The following FLI1 variants were observed in gnomAD, a reference collection of about 807,000 sequenced individuals.
The protein encoded by FLI1 is Fli-1 proto-oncogene, ETS transcription factor, also known as Friend leukemia integration 1 transcription factor.
FLI1 carries 13 observed loss-of-function variants against 53.1 expected under a neutral mutation model. The ratio of observed to expected loss-of-function variants is 0.24; its 90% CI spans 0.16 to 0.39. The LOEUF (loss-of-function observed/expected upper bound fraction) is 0.39. FLI1 is among the 10% of genes least tolerant of loss of function. The pLI is 1.00. For missense variants in FLI1, 424 were observed against 600.5 expected (o/e 0.71, Z 3.07); for synonymous variants, 244 against 236.7 (o/e 1.03, Z -0.28).
chr11:128,794,465 GGAGAGA>G (rs139360912), intron 5 of FLI1, among the ~76,000 whole-genome samples: 1 of 151,868 alleles, frequency 6.6e-6, no homozygotes, highest in Non-Finnish European at 1.5e-5. Context: ...TCATCTATCT[GGAGAGA>G]GAGAGAGACG....
At chr11:128,781,174 T>C (rs1941904150) in intron 4 of FLI1, among the ~76,000 whole-genome samples, 1 of 152,248 alleles carries the variant, frequency 6.6e-6, no homozygotes, top group African/African-American at 2.4e-5. Flanking sequence ...GTTCAGTGCG[T>C]GCTCTTAGAC....
At chr11:128,760,928 G>A (rs562190117) in intron 2 of FLI1, among the ~76,000 whole-genome samples, 6 of 152,220 alleles carry the variant, frequency 3.9e-5, no homozygotes, top group South Asian at 2.1e-4. Context: ...AGGCTTCTGC[G>A]GGGGCATCCT....
intron 4 of FLI1, among the ~76,000 whole-genome samples, chr11:128,781,671 C>T (rs540832262): frequency 1.8e-4 from 27 of 152,302 alleles, no homozygotes; most frequent in African/African-American, 6.3e-4. Flanking sequence ...CAGACCACAG[C>T]GCTTCAGAAC....
upstream of FLI1, chr11:128,693,969 AGAG>A: frequency 2.8e-6 from 1 of 359,076 alleles, no homozygotes; most frequent in East Asian, 4.0e-5. Flanking sequence ...AGAGAGAGAG[AGAG>A]AGAGAGAGAG....
In FLI1 at chr11:128,776,421, C is replaced by T. The variant is rs575763952; in HGVS notation, c.589+3436C>T. Reference sequence around the variant, plus strand: ...ATCCCAGCACTTTGGGAGGCCAAGGCGGGTGGATCACCTGAGGCCAGAAGT... The same window carrying T: ...ATCCCAGCACTTTGGGAGGCCAAGGTGGGTGGATCACCTGAGGCCAGAAGT... On this transcript the variant is annotated intron_variant, in intron 4 of 8. Coordinates refer to ENST00000527786, the MANE Select transcript of FLI1 (RefSeq NM_002017.5). Among the ~76,000 whole-genome samples the T allele has an allele frequency of 7.9e-5, 12 of 152,318 alleles. No individual in the cohort carries two copies. In the South Asian group the frequency reaches 2.3e-3, roughly 29 times the overall value.
intron 1 of FLI1, among the ~76,000 whole-genome samples, chr11:128,700,905 A>G (rs1938303294): frequency 6.6e-6 from 1 of 152,206 alleles, no homozygotes; most frequent in African/African-American, 2.4e-5. Flanking sequence ...TGTAACATGT[A>G]TAGAAAGGAG....
Position 128,694,190 on chromosome 11 carries a change from G to A in FLI1, c.-69G>A. 1 of 1,498,992 alleles carries A rather than the reference G, an allele frequency of 6.7e-7. No individual in the cohort carries two copies. The highest frequency in any genetic ancestry group is 2.4e-5 in the Admixed American group (1 of 42,430). 92.9% of individuals were successfully genotyped at this position (1,498,992 alleles called of 1,614,324 possible). A position where few individuals can be genotyped will look rare whatever the true frequency, so the allele number is the denominator to read the frequency against. On this transcript the variant is annotated 5_prime_UTR_variant, in exon 1 of 9. Transcript: ENST00000527786. ...GGCCGCGCCGGGCTAATCCGAAGGG[G>A]CTGCGAGGTCAGGCTGTAACCGGGT...
chr11:128,772,718 C>T, intron 3 of FLI1, 64 bp from the exon 4 acceptor site: 2 of 1,335,724 alleles, frequency 1.5e-6, no homozygotes, highest in Non-Finnish European at 1.1e-6. Context: ...AGGGAGGCTG[C>T]CTAGGCTCTC....
At chr11:128,782,559 G>A (rs1487363481) in intron 5 of FLI1, among the ~76,000 whole-genome samples, 4 of 152,128 alleles carry the variant, frequency 2.6e-5, no homozygotes, top group Admixed American at 6.5e-5. Flanking sequence ...TTAGCCAGGT[G>A]TGGTGGCAGG....
At chr11:128,757,049 TTTCTTTC>T (rs1940901214) in intron 1 of FLI1, among the ~76,000 whole-genome samples, 1 of 49,326 alleles carries the variant, frequency 2.0e-5, no homozygotes, top group Non-Finnish European at 4.1e-5. Flanking sequence ...TAATTTTTTC[TTTCTTTC>T]TTTCTTTCTT....
intron 5 of FLI1, among the ~76,000 whole-genome samples, chr11:128,792,112 G>T (rs1038897088): frequency 2.0e-5 from 3 of 152,176 alleles, no homozygotes; most frequent in Admixed American, 6.5e-5. Context: ...TTGGCACTAT[G>T]ATTATTCCCA....
intron 7 of FLI1, among the ~76,000 whole-genome samples, chr11:128,808,592 A>G (rs1328963535): frequency 6.6e-6 from 1 of 152,248 alleles, no homozygotes; most frequent in African/African-American, 2.4e-5. Flanking sequence ...TGAGGAATCC[A>G]GTAGCCCAAC....
At chr11:128,789,960 G>A (rs1303033380) in intron 5 of FLI1, among the ~76,000 whole-genome samples, 3 of 152,144 alleles carry the variant, frequency 2.0e-5, no homozygotes, top group African/African-American at 7.2e-5. Flanking sequence ...AGGAGAGCCT[G>A]TGAAGAACAT....
intron 1 of FLI1, among the ~76,000 whole-genome samples, chr11:128,751,686 C>G (rs868592721): frequency 1.6e-4 from 24 of 152,056 alleles, no homozygotes; most frequent in African/African-American, 4.6e-4. Context: ...GCCACCACGC[C>G]TGGTTAATTT....
chr11:128,720,881 G>A (rs565848919), intron 1 of FLI1, among the ~76,000 whole-genome samples: 1 of 152,268 alleles, frequency 6.6e-6, no homozygotes, highest in South Asian at 2.1e-4. Context: ...TGTGTGTGGC[G>A]GAGGTGGGGA....
intron 5 of FLI1, among the ~76,000 whole-genome samples, chr11:128,790,100 G>C (rs901581343): frequency 2.0e-5 from 3 of 151,050 alleles, no homozygotes; most frequent in Admixed American, 2.0e-4. Flanking sequence ...GTGTGTGCAC[G>C]CGTGCTGTTT....
intron 4 of FLI1, among the ~76,000 whole-genome samples, chr11:128,777,850 C>T (rs1281642638): frequency 1.3e-5 from 2 of 152,218 alleles, no homozygotes; most frequent in African/African-American, 2.4e-5. Flanking sequence ...GCCCCCTGGC[C>T]CAGGTGTCCC....
chr11:128,808,362 C>T (rs1368283573), intron 7 of FLI1, among the ~76,000 whole-genome samples: 1 of 152,176 alleles, frequency 6.6e-6, no homozygotes, highest in Non-Finnish European at 1.5e-5. Flanking sequence ...CGAGACCCAG[C>T]TCTCTACCAT....
chr11:128,764,931 G>A (rs1158067858), intron 2 of FLI1: 3 of 1,217,128 alleles, frequency 2.5e-6, no homozygotes, highest in Admixed American at 2.0e-5. Context: ...CCGCCTGCAG[G>A]TCCTAGTGCA....
Sources: allele counts gnomAD v4.1 joint callset (sites outside exome capture counted in the v4.1 genomes callset), GRCh38; gene constraint gnomAD v4.1.1; transcripts MANE v1.5; gene names NCBI Gene and HGNC (gene_info 2026-07-23, HGNC 2026-07-21).